UBE2K: variants seen among roughly 807,000 people sequenced by gnomAD.
UBE2K encodes ubiquitin-conjugating enzyme E2 K.
Under a neutral mutation model 30.0 loss-of-function variants are expected in UBE2K, and 6 were observed. The observed-to-expected ratio is 0.20, with a 90% CI of 0.11 to 0.39. The LOEUF (loss-of-function observed/expected upper bound fraction) is 0.39, where lower values mean the gene tolerates loss of function less well. UBE2K is among the 10% of genes least tolerant of loss of function. The pLI is 1.00. For missense variants in UBE2K, 61 were observed against 241.6 expected (o/e 0.25, Z 4.96); for synonymous variants, 86 against 83.7 (o/e 1.03, Z -0.15).
At chr4:39,768,890 C>T (rs1000815923) in intron 4 of UBE2K, among the ~76,000 whole-genome samples, 4 of 152,124 alleles carry the variant, frequency 2.6e-5, no homozygotes, top group Admixed American at 1.3e-4. Flanking sequence ...TGGAGTATCA[C>T]TCTGTCACCC....
At chr4:39,746,411 AC>A (rs1720992524) in intron 3 of UBE2K, among the ~76,000 whole-genome samples, 1 of 152,188 alleles carries the variant, frequency 6.6e-6, no homozygotes, top group Non-Finnish European at 1.5e-5. Context: ...CTCTGCTTTT[AC>A]TGTCATCAGC....
At chr4:39,737,387 A>G (rs1055207780) in intron 1 of UBE2K, 33 bp from the exon 2 acceptor site, 7 of 1,397,654 alleles carry the variant, frequency 5.0e-6, no homozygotes, top group African/African-American at 1.5e-5. Flanking sequence ...TCTTGCTGAC[A>G]TAACTAACAT....
chr4:39,722,956 C>T (rs979850494), intron 1 of UBE2K, among the ~76,000 whole-genome samples: 3 of 151,894 alleles, frequency 2.0e-5, no homozygotes, highest in Non-Finnish European at 4.4e-5. Context: ...CCACCACACC[C>T]GGCTAATTTA....
chr4:39,777,956 G>T (rs757018588), intron 6 of UBE2K, 146 bp downstream of exon 6: 23 of 702,012 alleles, frequency 3.3e-5, no homozygotes, highest in Non-Finnish European at 4.5e-5. Flanking sequence ...AAATTAGCTG[G>T]ACATGGTAGT....
rs546699617 is a variant in UBE2K, at chr4:39,771,739, A to C, written c.300-3095A>C. On this transcript the variant is annotated intron_variant, in intron 4 of 6. Transcript: ENST00000261427. Reference sequence around the variant, plus strand: ...CTGATTCAGTAGCTCTGGGATAGAGAAAACTTCCCAAGGGATGCTGATGCT... The same window carrying C: ...CTGATTCAGTAGCTCTGGGATAGAGCAAACTTCCCAAGGGATGCTGATGCT... Among the ~76,000 whole-genome samples, 27 of 152,268 alleles carry C rather than the reference A, an allele frequency of 1.8e-4. No homozygotes were observed. In the Middle Eastern group the frequency reaches 0.01, roughly 58 times the overall value.
intron 3 of UBE2K, among the ~76,000 whole-genome samples, chr4:39,749,657 C>T (rs1049283777): frequency 1.7e-4 from 25 of 151,128 alleles, no homozygotes; most frequent in Admixed American, 1.6e-3. Flanking sequence ...GCAGCCTGGA[C>T]AAGAGAGTAA....
In UBE2K at chr4:39,782,057, G is replaced by A; in HGVS notation, c.*3623G>A. On this transcript the variant is annotated 3_prime_UTR_variant, in exon 7 of 7. Coordinates refer to ENST00000261427, the MANE Select transcript of UBE2K (RefSeq NM_005339.5). Reference sequence around the variant, plus strand: ...TCTTGTGGCATAGGGGTAGGGGAGTGTTAGTATCTCCCTTGTCCCATTTGT... The same window carrying A: ...TCTTGTGGCATAGGGGTAGGGGAGTATTAGTATCTCCCTTGTCCCATTTGT... The A allele has an allele frequency of 2.5e-6, 1 of 397,906 alleles. No individual in the cohort carries two copies. The highest frequency in any genetic ancestry group is 4.4e-6 in the Non-Finnish European group (1 of 225,542). 24.6% of individuals were successfully genotyped at this position (397,906 alleles called of 1,614,324 possible).
intron 4 of UBE2K, among the ~76,000 whole-genome samples, chr4:39,762,185 A>AATG (rs1553879594): frequency 2.5e-4 from 2 of 8,060 alleles, no homozygotes; most frequent in South Asian, 8.8e-3. Context: ...ATCTCAGTAA[A>AATG]ATAATAATAA....
chr4:39,753,123 T>G (rs1721355335), intron 3 of UBE2K, among the ~76,000 whole-genome samples: 1 of 152,234 alleles, frequency 6.6e-6, no homozygotes, highest in African/African-American at 2.4e-5. Context: ...GCTCAGTGGC[T>G]CACGCCTATA....
intron 1 of UBE2K, among the ~76,000 whole-genome samples, chr4:39,698,596 G>C (rs1300646695): frequency 1.3e-5 from 2 of 152,116 alleles, no homozygotes; most frequent in African/African-American, 2.4e-5. Flanking sequence ...TCGCGGGCGG[G>C]TGGTCTGGGG....
intron 3 of UBE2K, 63 bp from the exon 4 acceptor site, chr4:39,755,594 G>A: frequency 3.4e-6 from 4 of 1,185,684 alleles, no homozygotes; most frequent in East Asian, 2.4e-5. Flanking sequence ...TCATTTTCTT[G>A]TAGTTCTACT....
At chr4:39,774,372 C>T (rs1713149320) in intron 4 of UBE2K, among the ~76,000 whole-genome samples, 1 of 151,554 alleles carries the variant, frequency 6.6e-6, no homozygotes, top group Non-Finnish European at 1.5e-5. Flanking sequence ...CATTGGGAGG[C>T]CAAGGCGGGC....
At chr4:39,720,610 C>A (rs1719366040) in intron 1 of UBE2K, among the ~76,000 whole-genome samples, 1 of 151,964 alleles carries the variant, frequency 6.6e-6, no homozygotes, top group African/African-American at 2.4e-5. Flanking sequence ...GAAAGAGTTT[C>A]TTGGGAATAA....
chr4:39,770,702 G>T, intron 4 of UBE2K: 26 of 1,573,134 alleles, frequency 1.7e-5, no homozygotes, highest in Non-Finnish European at 2.1e-5. Context: ...CGCTGCTCTG[G>T]GCCAGCTCCC....
intron 4 of UBE2K, among the ~76,000 whole-genome samples, chr4:39,773,182 A>T (rs1416956597): frequency 2.0e-5 from 3 of 152,090 alleles, no homozygotes; most frequent in Non-Finnish European, 4.4e-5. Flanking sequence ...ATTTTCTTGA[A>T]AATATGGCCG....
intron 3 of UBE2K, among the ~76,000 whole-genome samples, chr4:39,754,221 T>C (rs1264444232): frequency 6.6e-6 from 1 of 152,164 alleles, no homozygotes; most frequent in Non-Finnish European, 1.5e-5. Flanking sequence ...AGATGATGAA[T>C]GATTGTCTCC....
chr4:39,759,943 A>G (rs1711782499), intron 4 of UBE2K, among the ~76,000 whole-genome samples: 1 of 152,130 alleles, frequency 6.6e-6, no homozygotes, highest in African/African-American at 2.4e-5. Flanking sequence ...TGGGAGGCCA[A>G]GGTAGGTGGA....
intron 1 of UBE2K, among the ~76,000 whole-genome samples, chr4:39,730,635 G>A (rs2109340202): frequency 6.6e-6 from 1 of 152,008 alleles, no homozygotes; most frequent in South Asian, 2.1e-4. Flanking sequence ...GGGCATGGTG[G>A]TGGGCGCCTA....
intron 4 of UBE2K, among the ~76,000 whole-genome samples, chr4:39,756,184 C>T (rs1560369930): frequency 2.6e-5 from 4 of 152,176 alleles, no homozygotes; most frequent in African/African-American, 7.2e-5. Flanking sequence ...TAGGTGATGT[C>T]TTCATTTGGA....
Sources: gnomAD v4.1 joint callset for allele counts (sites outside exome capture counted in the v4.1 genomes callset) on GRCh38, gnomAD v4.1.1 for gene constraint, MANE v1.5 for transcripts, NCBI Gene and HGNC (gene_info 2026-07-23, HGNC 2026-07-21) for gene names.